COMMD9: variants seen among roughly 807,000 people sequenced by gnomAD.
COMMD9 encodes COMM domain-containing protein 9.
Under a neutral mutation model 23.4 loss-of-function variants are expected in COMMD9, and 22 were observed. The ratio of observed to expected loss-of-function variants is 0.94; its 90% CI spans 0.67 to 1.34. COMMD9 has a LOEUF of 1.34. Among genes scored for constraint, COMMD9 ranks in the 40% most tolerant of loss-of-function variants. The pLI is 0.00. For missense variants in COMMD9, 231 were observed against 240.2 expected, an observed-to-expected ratio of 0.96 and a Z score of 0.25; for synonymous variants, 99 against 97.4, an observed-to-expected ratio of 1.02 and a Z score of -0.10.
At chr11:36,282,923 CTG>C (rs1020222947) in intron 1 of COMMD9, among the ~76,000 whole-genome samples, 2 of 152,308 alleles carry the variant, frequency 1.3e-5, no homozygotes, top group Non-Finnish European at 2.9e-5. Context: ...GGCCAAAAGA[CTG>C]AGAGCCACTG....
In COMMD9 at chr11:36,272,727, CG is replaced by C. The variant is rs1433660450; in HGVS notation, c.*1904del. 6.6e-6 allele frequency: 1 copy of C among 152,194 alleles called. No individual in the cohort carries two copies. Among genetic ancestry groups the C allele is most frequent in the African/African-American group, 2.4e-5 (1 of 41,440 alleles). The allele number at this position is 152,194 out of a possible 1,614,324, so 9.4% of individuals were successfully genotyped here. A position where few individuals can be genotyped will look rare whatever the true frequency, so the allele number is the denominator to read the frequency against. The stretch of plus-strand genomic sequence containing the variant: ...CCTCGTATCTCACTGGGTAGGCAGA[CG>C]TAAGATCTCTCATCTCTACTTCAGT... On this transcript the variant is annotated 3_prime_UTR_variant, in exon 6 of 6. Transcript: ENST00000263401.
chr11:36,287,107 G>A (rs117042533), intron 1 of COMMD9, among the ~76,000 whole-genome samples: 42,162 of 62,264 alleles, frequency 0.68, 17,786 homozygotes, highest in South Asian at 0.8. Flanking sequence ...TGTATATCGC[G>A]TAGTATGTAT....
chr11:36,284,531 T>C (rs1856120200), intron 1 of COMMD9, among the ~76,000 whole-genome samples: 1 of 152,212 alleles, frequency 6.6e-6, no homozygotes, highest in Non-Finnish European at 1.5e-5. Context: ...ATCAATTAAA[T>C]TAATATTCAT....
At chr11:36,278,704 C>T (rs948499177) in intron 2 of COMMD9, 88 bp from the exon 3 acceptor site, 146 of 1,320,996 alleles carry the variant, frequency 1.1e-4, no homozygotes, top group Non-Finnish European at 1.4e-4. Context: ...CTCTACACCC[C>T]GAAGGCTGCA....
chr11:36,275,801 G>C (rs912889589), intron 5 of COMMD9, among the ~76,000 whole-genome samples: 2 of 152,224 alleles, frequency 1.3e-5, no homozygotes, highest in African/African-American at 4.8e-5. Flanking sequence ...CACTGGACAA[G>C]AAGTTGCTGA....
At position 36,283,831 on chromosome 11, in the gene COMMD9, G is replaced by C. The variant is rs181603532; in HGVS notation, c.52-2994C>G. Among the ~76,000 whole-genome samples the C allele has an allele frequency of 2.4e-3, 361 of 152,240 alleles. 1 individual carries two copies. Among genetic ancestry groups the C allele is most frequent in the African/African-American group, 8.3e-3 (344 of 41,548 alleles). On this transcript the variant is annotated intron_variant, in intron 1 of 5. Transcript: ENST00000263401. Reference sequence around the variant, plus strand: ...ATCTATAAGAAACTCTTGGCCAGGCGTGGTGGCTCAGGCTTGTAATCCCAC... The same window carrying C: ...ATCTATAAGAAACTCTTGGCCAGGCCTGGTGGCTCAGGCTTGTAATCCCAC...
intron 1 of COMMD9, among the ~76,000 whole-genome samples, chr11:36,284,051 A>G (rs1856109757): frequency 6.6e-6 from 1 of 152,116 alleles, no homozygotes; most frequent in South Asian, 2.1e-4. Flanking sequence ...GGCTGCGGTG[A>G]GCCGAGATTG....
intron 1 of COMMD9, among the ~76,000 whole-genome samples, chr11:36,283,154 AC>A (rs1173158354): frequency 6.6e-6 from 1 of 152,080 alleles, no homozygotes; most frequent in African/African-American, 2.4e-5. Flanking sequence ...TTGTCCACTG[AC>A]TCACACATCA....
intron 2 of COMMD9, among the ~76,000 whole-genome samples, chr11:36,279,720 A>G (rs1856034379): frequency 6.6e-6 from 1 of 152,214 alleles, no homozygotes; most frequent in Non-Finnish European, 1.5e-5. Context: ...TTGGGGGGGA[A>G]CCCAAAATAA....
At chr11:36,288,099 C>T (rs775352403) in intron 1 of COMMD9, among the ~76,000 whole-genome samples, 3 of 152,156 alleles carry the variant, frequency 2.0e-5, no homozygotes, top group Non-Finnish European at 2.9e-5. Flanking sequence ...CCAGTCCCAG[C>T]TCTGTTACTT....
rs111586261 is a variant in COMMD9, at chr11:36,273,773, T to C, written c.*859A>G. ...CGTGAGCCATTGCGCCTGGCCACCT[T>C]GCTTCCTTTTGTTCTACGTAACAGG... On this transcript the variant is annotated 3_prime_UTR_variant, in exon 6 of 6. Coordinates refer to ENST00000263401, the MANE Select transcript of COMMD9 (RefSeq NM_014186.4). The C allele has an allele frequency of 1.5e-3, 231 of 154,214 alleles. No homozygotes were observed. Among genetic ancestry groups the C allele is most frequent in the South Asian group, 8.9e-3 (44 of 4,966 alleles). 9.6% of individuals were successfully genotyped at this position (154,214 alleles called of 1,614,324 possible).
intron 3 of COMMD9, 60 bp from the exon 4 acceptor site, chr11:36,277,183 G>C: frequency 7.6e-7 from 1 of 1,319,748 alleles, no homozygotes; most frequent in Non-Finnish European, 1.0e-6. Flanking sequence ...TGACTCTTCT[G>C]ATAGAGAGGG....
chr11:36,286,869 A>C (rs1215586964), intron 1 of COMMD9, among the ~76,000 whole-genome samples: 1 of 152,194 alleles, frequency 6.6e-6, no homozygotes, highest in Non-Finnish European at 1.5e-5. Flanking sequence ...AATTAGAGAA[A>C]TGAATAACGC....
intron 1 of COMMD9, among the ~76,000 whole-genome samples, chr11:36,281,240 C>T (rs1856061261): frequency 6.6e-6 from 1 of 152,148 alleles, no homozygotes; most frequent in Non-Finnish European, 1.5e-5. Flanking sequence ...GCTCTTCTGT[C>T]TAGCTAAAGG....
Position 36,274,597 on chromosome 11 carries a change from C to G in COMMD9, c.*35G>C, listed in dbSNP as rs1346462900. ...GGAGACATTTATCACTCATGAGCAG[C>G]TGGGTCATGGCAGTGGCCCTGGCAG... On this transcript the variant is annotated 3_prime_UTR_variant, in exon 6 of 6. Coordinates refer to ENST00000263401, the MANE Select transcript of COMMD9 (RefSeq NM_014186.4). The G allele has an allele frequency of 1.2e-6, 2 of 1,613,418 alleles. No individual in the cohort carries two copies. Among genetic ancestry groups the G allele is most frequent in the East Asian group, 2.2e-5 (1 of 44,880 alleles).
intron 4 of COMMD9, 177 bp from the exon 5 acceptor site, chr11:36,276,417 T>C (rs1425586820): frequency 1.0e-5 from 6 of 585,148 alleles, no homozygotes; most frequent in African/African-American, 7.4e-5. Context: ...GCCTTACCCA[T>C]TGCTCTGTGC....
At chr11:36,287,748 A>C (rs539236741) in intron 1 of COMMD9, among the ~76,000 whole-genome samples, 2 of 152,280 alleles carry the variant, frequency 1.3e-5, no homozygotes, top group Non-Finnish European at 2.9e-5. Context: ...TGTTAAGTTC[A>C]AACATGGGCA....
At chr11:36,281,568 G>T (rs938503750) in intron 1 of COMMD9, among the ~76,000 whole-genome samples, 1 of 152,190 alleles carries the variant, frequency 6.6e-6, no homozygotes, top group Admixed American at 6.5e-5. Flanking sequence ...TGGTAACAAG[G>T]AACCTCTGCT....
At chr11:36,278,300 A>C (rs1386535411) in intron 3 of COMMD9, 177 bp downstream of exon 3, 1 of 595,602 alleles carries the variant, frequency 1.7e-6, no homozygotes, top group African/African-American at 1.9e-5. Context: ...AAGGCTTTCC[A>C]TTAAGAAAAG....
Sources: allele counts gnomAD v4.1 joint callset (sites outside exome capture counted in the v4.1 genomes callset), GRCh38; gene constraint gnomAD v4.1.1; transcripts MANE v1.5; gene names NCBI Gene and HGNC (gene_info 2026-07-23, HGNC 2026-07-21).